Variants in BIN3 observed in about 807,000 individuals in gnomAD.
BIN3 encodes bridging integrator 3.
In BIN3, 41 loss-of-function variants were observed where a neutral mutation model predicts 38.2. The observed-to-expected ratio is 1.07, with a 90% CI of 0.84 to 1.39. BIN3 has a LOEUF of 1.39. BIN3 is among the 40% of genes most tolerant of loss of function. The probability of loss-of-function intolerance (pLI) is 0.00; values close to 1 mark genes in which losing one functional copy is unlikely to be tolerated. For missense variants in BIN3, 361 were observed against 324.3 expected (o/e 1.11, Z -0.87); for synonymous variants, 145 against 122.6 (o/e 1.18, Z -1.21).
intron 6 of BIN3, among the ~76,000 whole-genome samples, chr8:22,628,771 C>T (rs1235021594): frequency 6.6e-6 from 1 of 152,196 alleles, no homozygotes; most frequent in Non-Finnish European, 1.5e-5. Flanking sequence ...CACAGAAAAG[C>T]CCTCTGTGGG....
rs181137001 is a variant in BIN3, at chr8:22,651,782, T to C, written c.9-6979A>G. 5.9e-4 allele frequency among the ~76,000 whole-genome samples: 90 copies of C among 152,266 alleles called. 1 individual carries two copies. Among genetic ancestry groups the C allele is most frequent in the Non-Finnish European group, 2.6e-4 (18 of 68,014 alleles). ...TTGTATAATTTTACAACAATGTGGG[T>C]CTATTTTCATCCACTGTGGTGGGTA... is the stretch of plus-strand genomic sequence containing the variant. On this transcript the variant is annotated intron_variant, in intron 1 of 8. Transcript: ENST00000276416.
At chr8:22,625,009 G>C (rs765308653) in intron 6 of BIN3, 1 of 357,188 alleles carries the variant, frequency 2.8e-6, no homozygotes, top group Admixed American at 3.9e-5. Flanking sequence ...GGGCTCCTTG[G>C]CAACATGAAA....
chr8:22,636,643 A>C, intron 3 of BIN3, 57 bp from the exon 4 acceptor site: 1 of 1,517,576 alleles, frequency 6.6e-7, no homozygotes, highest in Non-Finnish European at 8.9e-7. Context: ...ACCTGAGCGA[A>C]GCCCAGGTGC....
intron 1 of BIN3, among the ~76,000 whole-genome samples, chr8:22,656,913 T>G (rs972807732): frequency 2.0e-5 from 3 of 152,306 alleles, no homozygotes; most frequent in Admixed American, 1.3e-4. Context: ...GCTAATTAAC[T>G]CTGATGTGTG....
At chr8:22,644,486 T>C (rs998465521) in intron 2 of BIN3, 3 of 443,688 alleles carry the variant, frequency 6.8e-6, no homozygotes, top group Non-Finnish European at 1.3e-5. Context: ...TCTAAAGCAA[T>C]ATCTTCCTCT....
At chr8:22,642,287 G>A (rs1802588322) in intron 2 of BIN3, among the ~76,000 whole-genome samples, 1 of 140,902 alleles carries the variant, frequency 7.1e-6, no homozygotes, top group Admixed American at 7.3e-5. Context: ...AAGGGCAGCT[G>A]CCAGAGATGC....
intron 1 of BIN3, among the ~76,000 whole-genome samples, chr8:22,666,628 G>A (rs12541601): frequency 0.28 from 41,977 of 152,036 alleles, 5,989 homozygotes; most frequent in African/African-American, 0.33. Flanking sequence ...GGGGGTGGGC[G>A]GGTTGCCTGC....
Position 22,636,480 on chromosome 8 carries a change from T to C in BIN3, c.160+45A>G, listed in dbSNP as rs1380196442. ...GCTGAGAGAGGAGGGTGCCCACCTC[T>C]GCCCCACCTGCTCAAGCGAGTGGTG... On this transcript the variant is annotated intron_variant, in intron 4 of 8. Coordinates refer to ENST00000276416, the MANE Select transcript of BIN3 (RefSeq NM_018688.6). 8 of 1,542,760 alleles carry C rather than the reference T, an allele frequency of 5.2e-6. No homozygotes were observed. In the South Asian group the frequency reaches 7.2e-5, roughly 14 times the overall value.
chr8:22,656,612 G>A (rs558796493), intron 1 of BIN3, among the ~76,000 whole-genome samples: 6 of 152,200 alleles, frequency 3.9e-5, no homozygotes, highest in East Asian at 3.9e-4. Context: ...AAATGTTTCC[G>A]ACTTTGGTAA....
chr8:22,636,388 C>A, intron 4 of BIN3, 137 bp downstream of exon 4: 2 of 851,770 alleles, frequency 2.3e-6, no homozygotes, highest in Non-Finnish European at 3.7e-6. Flanking sequence ...AGTGACTGCC[C>A]TGAGGCTGCT....
chr8:22,654,000 T>C (rs1802982129), intron 1 of BIN3, among the ~76,000 whole-genome samples: 1 of 152,132 alleles, frequency 6.6e-6, no homozygotes, highest in South Asian at 2.1e-4. Context: ...CTATTCATAG[T>C]TTTCAACCAA....
intron 4 of BIN3, among the ~76,000 whole-genome samples, chr8:22,633,448 A>G (rs1405179857): frequency 1.3e-5 from 2 of 152,210 alleles, no homozygotes; most frequent in Non-Finnish European, 2.9e-5. Flanking sequence ...TGATCTTTGA[A>G]CCTTAGAGAA....
At chr8:22,651,416 A>G (rs766422681) in intron 1 of BIN3, among the ~76,000 whole-genome samples, 1 of 152,080 alleles carries the variant, frequency 6.6e-6, no homozygotes, top group Non-Finnish European at 1.5e-5. Flanking sequence ...CCCTTCACCA[A>G]TCTTTCTGGG....
At chr8:22,667,190 T>C (rs773812620) in intron 1 of BIN3, among the ~76,000 whole-genome samples, 3 of 152,176 alleles carry the variant, frequency 2.0e-5, no homozygotes, top group Non-Finnish European at 2.9e-5. Context: ...AAGATGTGCA[T>C]GTACTGGTAA....
At chr8:22,658,233 CCCT>C (rs1803122084) in intron 1 of BIN3, among the ~76,000 whole-genome samples, 1 of 152,138 alleles carries the variant, frequency 6.6e-6, no homozygotes, top group Non-Finnish European at 1.5e-5. Flanking sequence ...TTTCTTTCAA[CCCT>C]CCTCTTCTCC....
intron 6 of BIN3, chr8:22,625,744 C>T (rs1433742500): frequency 2.2e-5 from 5 of 223,450 alleles, no homozygotes; most frequent in South Asian, 1.8e-4. Context: ...TGTGCCACTA[C>T]GCCCAGCTAA....
At chr8:22,664,826 T>C (rs1803360478) in intron 1 of BIN3, among the ~76,000 whole-genome samples, 1 of 152,190 alleles carries the variant, frequency 6.6e-6, no homozygotes, top group Non-Finnish European at 1.5e-5. Context: ...TCTGAAAAGT[T>C]AGAAGCACTC....
intron 2 of BIN3, among the ~76,000 whole-genome samples, chr8:22,643,038 A>G (rs1189874063): frequency 6.6e-6 from 1 of 152,254 alleles, no homozygotes; most frequent in African/African-American, 2.4e-5. Context: ...TGTGGAGAAC[A>G]AAGTTCATTT....
chr8:22,668,985 G>T, intron 1 of BIN3, 59 bp downstream of exon 1: 2 of 1,553,548 alleles, frequency 1.3e-6, no homozygotes, highest in Non-Finnish European at 1.7e-6. Context: ...ACTGACACAG[G>T]GCCAGGGGCC....
Sources: allele counts gnomAD v4.1 joint callset (sites outside exome capture counted in the v4.1 genomes callset), GRCh38; gene constraint gnomAD v4.1.1; transcripts MANE v1.5; gene names NCBI Gene and HGNC (gene_info 2026-07-23, HGNC 2026-07-21).